The following MAPT variants were observed in gnomAD, a reference collection of about 807,000 sequenced individuals.
MAPT encodes microtubule associated protein tau.
MAPT carries 34 observed loss-of-function variants against 67.9 expected under a neutral mutation model. The observed-to-expected ratio is 0.50, with a 90% CI of 0.38 to 0.67. The LOEUF is 0.67. Among genes scored for constraint, MAPT ranks in the 30% least tolerant of loss-of-function variants. MAPT has a pLI of 0.00. For missense variants in MAPT, 881 were observed against 1,115.2 expected, an observed-to-expected ratio of 0.79 and a Z score of 2.99; for synonymous variants, 456 against 464.5, an observed-to-expected ratio of 0.98 and a Z score of 0.23.
At chr17:45,992,694 G>A (rs975547740) in intron 8 of MAPT, among the ~76,000 whole-genome samples, 1 of 152,052 alleles carries the variant, frequency 6.6e-6, no homozygotes, top group Admixed American at 6.6e-5. Flanking sequence ...TTCGAGACCA[G>A]CTTGGCCAAC....
intron 1 of MAPT, among the ~76,000 whole-genome samples, chr17:45,920,231 C>T (rs527914670): frequency 7.1e-4 from 108 of 152,354 alleles, no homozygotes; most frequent in African/African-American, 2.4e-3. Flanking sequence ...CCCCCGAGCC[C>T]TCTGTCCTCC....
At chr17:45,903,858 T>C (rs1475074994) in intron 1 of MAPT, among the ~76,000 whole-genome samples, 1 of 41,662 alleles carries the variant, frequency 2.4e-5, no homozygotes, top group East Asian at 5.2e-4. Flanking sequence ...TTATATATTA[T>C]ATATATTATA....
In MAPT at chr17:45,897,897, T is replaced by C. The variant is rs62056785; in HGVS notation, c.-18+3211T>C. The C allele has an allele frequency of 0.14, 21,823 of 152,216 alleles. 2,132 individuals are homozygous for C. The highest frequency in any genetic ancestry group is 0.22 in the Middle Eastern group (64 of 292). 9.4% of individuals were successfully genotyped at this position (152,216 alleles called of 1,614,324 possible). A position where few individuals can be genotyped will look rare whatever the true frequency, so the allele number is the denominator to read the frequency against. ...ACAGGAGACAGGGAAATGTCTTTCC[T>C]ACCGCGGTTGATTCTGGGGTGTCAT... is the stretch of plus-strand genomic sequence containing the variant. On this transcript the variant is annotated intron_variant, in intron 1 of 12. Coordinates refer to ENST00000262410, the MANE Select transcript of MAPT (RefSeq NM_001377265.1). The surrounding 1 kb of genome is among the most constrained non-coding windows in gnomAD (Gnocchi z 5.0).
At chr17:45,961,448 T>G (rs545125550) in intron 1 of MAPT, among the ~76,000 whole-genome samples, 26 of 152,062 alleles carry the variant, frequency 1.7e-4, no homozygotes, top group Admixed American at 5.2e-4. Context: ...TGGGTGCCGG[T>G]GTGGTGAATG....
intron 10 of MAPT, among the ~76,000 whole-genome samples, chr17:46,012,594 C>T (rs2075890221): frequency 6.6e-6 from 1 of 152,106 alleles, no homozygotes; most frequent in Admixed American, 6.5e-5. Context: ...TGGCCCTGCT[C>T]CTTCTCTACC....
At chr17:45,955,759 G>A (rs764103083) in intron 1 of MAPT, among the ~76,000 whole-genome samples, 20 of 132,592 alleles carry the variant, frequency 1.5e-4, no homozygotes, top group Non-Finnish European at 3.6e-4. Context: ...CTTTTTGAAA[G>A]GAGTCTCACT....
At chr17:45,931,722 G>C (rs540999845) in intron 1 of MAPT, 1 of 152,108 alleles carries the variant, frequency 6.6e-6, no homozygotes, top group Non-Finnish European at 1.5e-5. Flanking sequence ...AGTAAAATTT[G>C]TATTTACCAA....
intron 2 of MAPT, among the ~76,000 whole-genome samples, chr17:45,965,525 C>T (rs895273567): frequency 1.3e-5 from 2 of 151,850 alleles, no homozygotes; most frequent in Non-Finnish European, 1.5e-5. Context: ...AAGCGATTCT[C>T]CTGCCTCAGC....
At chr17:45,936,924 G>A (rs1433213318) in intron 1 of MAPT, among the ~76,000 whole-genome samples, 2 of 152,176 alleles carry the variant, frequency 1.3e-5, no homozygotes, top group Admixed American at 6.5e-5. Flanking sequence ...ATAGAGCAGT[G>A]TGCAAAGTCC....
intron 2 of MAPT, among the ~76,000 whole-genome samples, chr17:45,969,792 C>T (rs974003558): frequency 3.9e-5 from 6 of 152,130 alleles, no homozygotes; most frequent in Admixed American, 3.9e-4. Context: ...TCCTTCCTTC[C>T]ATCCATCATT....
chr17:45,958,051 T>C (rs531296180), intron 1 of MAPT, among the ~76,000 whole-genome samples: 27 of 152,302 alleles, frequency 1.8e-4, no homozygotes, highest in African/African-American at 6.3e-4. Flanking sequence ...AGAGGGCAGA[T>C]TGGTCTACAA....
At position 45,971,942 on chromosome 17, in the gene MAPT, G is replaced by A; in HGVS notation, c.217G>A (p.Glu73Lys). The part of the protein sequence containing the change: ...TSDAKSTPTA[E>K]AEEAGIGDTP... ...TGATGCTAAGAGCACTCCAACAGCG[G>A]AAGGTGGGCCCCCCTTCAGACGCCC... The change falls in exon 3 of 13, where the codon GAA (glutamate) becomes AAA (lysine). Residue 73 changes from glutamate to lysine, a missense_variant. By Grantham distance (56) the Glu-to-Lys change is moderately conservative. Around this residue, in one of 6 missense-constraint regions of MAPT, gnomAD observed 687 missense variants for 766.1 expected, o/e 0.90. Transcript: ENST00000262410. This position sits in a 1 kb window ranked among gnomAD's most constrained non-coding sequence, Gnocchi z 4.3. 1.9e-6 allele frequency: 3 copies of A among 1,613,948 alleles called. No homozygotes were observed. Among genetic ancestry groups the A allele is most frequent in the Non-Finnish European group, 2.5e-6 (3 of 1,179,908 alleles).
intron 2 of MAPT, among the ~76,000 whole-genome samples, chr17:45,970,464 C>A: frequency 6.6e-6 from 1 of 152,250 alleles, no homozygotes; most frequent in Non-Finnish European, 1.5e-5. Context: ...CGATGGTCCC[C>A]TGTGGACAGC....
At chr17:45,922,158 A>G (rs1373289583) in intron 1 of MAPT, among the ~76,000 whole-genome samples, 1 of 152,048 alleles carries the variant, frequency 6.6e-6, no homozygotes, top group Non-Finnish European at 1.5e-5. Flanking sequence ...GATTACAAGC[A>G]TGCAGCACCA....
intron 1 of MAPT, among the ~76,000 whole-genome samples, chr17:45,902,865 C>T (rs967718705): frequency 6.6e-6 from 1 of 152,182 alleles, no homozygotes; most frequent in Non-Finnish European, 1.5e-5. Flanking sequence ...CCTTTGGCCC[C>T]GTCCACCCTA....
At chr17:45,916,909 C>T (rs1279097110) in intron 1 of MAPT, among the ~76,000 whole-genome samples, 2 of 152,194 alleles carry the variant, frequency 1.3e-5, no homozygotes, top group African/African-American at 2.4e-5. Context: ...CTGTGCCCCA[C>T]ATCACCTCCC....
At chr17:45,956,621 A>T (rs2069754431) in intron 1 of MAPT, among the ~76,000 whole-genome samples, 2 of 142,658 alleles carry the variant, frequency 1.4e-5, no homozygotes, top group African/African-American at 2.6e-5. Context: ...TTATACTTTA[A>T]GTTCTAGGGT....
chr17:45,928,757 G>A (rs537423944), intron 1 of MAPT, among the ~76,000 whole-genome samples: 170 of 152,014 alleles, frequency 1.1e-3, no homozygotes, highest in African/African-American at 3.7e-3. Context: ...GTGCAGTGGC[G>A]CGATCTTGGC....
chr17:46,022,217 T>G (rs2076570178), intron 12 of MAPT, among the ~76,000 whole-genome samples: 1 of 151,956 alleles, frequency 6.6e-6, no homozygotes, highest in East Asian at 1.9e-4. Context: ...TAGCTGGGTG[T>G]GGTGGCACAC....
Sources: gnomAD v4.1 joint callset for allele counts (sites outside exome capture counted in the v4.1 genomes callset) on GRCh38, gnomAD v4.1.1 for gene constraint, gnomAD v4.1.1 regional missense constraint, Gnocchi (gnomAD v3.1) non-coding constraint, MANE v1.5 for transcripts, NCBI Gene and HGNC (gene_info 2026-07-23, HGNC 2026-07-21) for gene names.